TEX15: variants seen among roughly 807,000 people sequenced by gnomAD.
TEX15 encodes testis expressed 15, meiosis and synapsis associated.
TEX15 carries 171 observed loss-of-function variants against 237.3 expected under a neutral mutation model. The observed-to-expected ratio is 0.72, with a 90% CI of 0.64 to 0.82. TEX15 has a LOEUF of 0.82. Among genes scored for constraint, TEX15 ranks in the 40% least tolerant of loss-of-function variants. The probability of loss-of-function intolerance (pLI) is 0.00; values close to 1 mark genes in which losing one functional copy is unlikely to be tolerated. For missense variants in TEX15, 3,750 were observed against 3,646.5 expected (o/e 1.03, Z -0.73); for synonymous variants, 1,338 against 1,269.8 (o/e 1.05, Z -1.14).
rs1807585198 is a variant in TEX15, at chr8:30,845,663, TG to T, written c.4503del (p.Thr1502ProfsTer37). ...CAAAATTCTCCCATGTGACTGGTGG[TG>T]GGGTGACTTTTTGAGACACTGCTAG... Reference protein sequence around the residue: ...SMASSVSKSHPTTSHMGEFCN... With the variant: ...SMASSVSKSHXTTSHMGEFCN... On this transcript the variant is annotated frameshift_variant, in exon 8 of 11. Transcript: ENST00000643185. LOFTEE classifies it high-confidence loss of function. The T allele has an allele frequency of 1.2e-6, 2 of 1,613,594 alleles. No individual in the cohort carries two copies. The highest frequency in any genetic ancestry group is 1.7e-6 in the Non-Finnish European group (2 of 1,179,614).
intron 3 of TEX15, among the ~76,000 whole-genome samples, chr8:30,876,938 C>T (rs547700526): frequency 2.0e-5 from 3 of 152,008 alleles, no homozygotes; most frequent in African/African-American, 7.2e-5. Flanking sequence ...TTATAAGGGG[C>T]CTTTCCCTCC....
Position 30,843,285 on chromosome 8 carries a change from C to T in TEX15, c.6882G>A (p.Lys2294=). Reference sequence around the variant, plus strand: ...CTCTGAGTAGCCTTTCTTCGTCCTTCTTTTGTGAGTATTTTTTGCTGAAGG... The same window carrying T: ...CTCTGAGTAGCCTTTCTTCGTCCTTTTTTTGTGAGTATTTTTTGCTGAAGG... ...TQSFSKKYSQ[K]KDEERLLRVN... The change falls in exon 8 of 11, where the codon AAG becomes AAA. Residue 2294 remains lysine, a synonymous_variant. Transcript: ENST00000643185. 6.2e-7 allele frequency: 1 copy of T among 1,611,502 alleles called. No individual in the cohort carries two copies. The highest frequency in any genetic ancestry group is 8.5e-7 in the Non-Finnish European group (1 of 1,179,192).
At chr8:30,870,416 A>T (rs181604222) in intron 4 of TEX15, among the ~76,000 whole-genome samples, 1 of 152,120 alleles carries the variant, frequency 6.6e-6, no homozygotes, top group African/African-American at 2.4e-5. Context: ...ATAGTAGGTA[A>T]TTTTTTGTGC....
chr8:30,909,280 G>T (rs1187028440), intron 1 of TEX15, among the ~76,000 whole-genome samples: 1 of 152,050 alleles, frequency 6.6e-6, no homozygotes, highest in Admixed American at 6.6e-5. Context: ...CACGAACAGA[G>T]CTATGCAAAA....
chr8:30,844,440 G>C lies in TEX15; in HGVS notation c.5727C>G (p.Val1909=). The change falls in exon 8 of 11, where the codon GTC becomes GTG. Residue 1909 remains valine, a synonymous_variant. Coordinates refer to ENST00000643185, the MANE Select transcript of TEX15 (RefSeq NM_001350162.2). ...GATTAGAAACTGTGTTCTTCAAAGG[G>C]ACTGACTCAGTGGTAGTATTTTTAG... ...LSTKNTTTES[V]PLKNTVSNPL... 6.2e-7 allele frequency: 1 copy of C among 1,612,708 alleles called. No individual in the cohort carries two copies. The highest frequency in any genetic ancestry group is 1.1e-5 in the South Asian group (1 of 90,806).
Position 30,847,365 on chromosome 8 carries a change from T to G in TEX15, c.2802A>C (p.Ala934=), listed in dbSNP as rs1807644278. The G allele has an allele frequency of 6.2e-7, 1 of 1,613,494 alleles. No individual in the cohort carries two copies. Among genetic ancestry groups the G allele is most frequent in the African/African-American group, 1.3e-5 (1 of 74,932 alleles). Reference sequence around the variant, plus strand: ...CTTCACTCTCTAATAATGCAGTTGCTGCTGACACTGCATTATCTTCTCTGC... The same window carrying G: ...CTTCACTCTCTAATAATGCAGTTGCGGCTGACACTGCATTATCTTCTCTGC... ...LICREDNAVS[A]ATALLESEED... is the part of the protein sequence containing the mutation. Residue 934 remains alanine (A), a synonymous_variant, in exon 8 of 11, where the codon GCA becomes GCC. Transcript: ENST00000643185.
At chr8:30,887,540 T>C in intron 2 of TEX15, 1 of 339,508 alleles carries the variant, frequency 2.9e-6, no homozygotes, top group Non-Finnish European at 5.3e-6. Flanking sequence ...GACTCACACC[T>C]GTAATCCCAG....
Position 30,832,959 on chromosome 8 carries a change from C to T in TEX15, c.*327G>A, listed in dbSNP as rs940001017. ...TAATGAAAAAAAATCCTGCTTTCAG[C>T]TCAAATGGCACAATGCCATCAACAA... On this transcript the variant is annotated 3_prime_UTR_variant, in exon 11 of 11. Coordinates refer to ENST00000643185, the MANE Select transcript of TEX15 (RefSeq NM_001350162.2). The T allele has an allele frequency of 5.7e-6, 1 of 174,668 alleles. No individual in the cohort carries two copies. The highest frequency in any genetic ancestry group is 2.4e-5 in the African/African-American group (1 of 42,396). The allele number at this position is 174,668 out of a possible 1,614,324, so 10.8% of individuals were successfully genotyped here.
At position 30,836,975 on chromosome 8, in the gene TEX15, C is replaced by T; in HGVS notation, c.9309G>A (p.Glu3103=). The T allele has an allele frequency of 6.2e-7, 1 of 1,614,066 alleles. No individual in the cohort carries two copies. The highest frequency in any genetic ancestry group is 1.1e-5 in the South Asian group (1 of 91,062). ...YSQYFTYFAG[E]PQANGFVPVN... is the part of the protein sequence containing the mutation. ...CTGGCACAAAGCCATTTGCTTGTGG[C>T]TCCCCCGCAAAATAAGTAAAATATT... Residue 3103 remains glutamate (E), a synonymous_variant, in exon 10 of 11, where the codon GAG becomes GAA. Coordinates refer to ENST00000643185, the MANE Select transcript of TEX15 (RefSeq NM_001350162.2).
intron 3 of TEX15, 144 bp downstream of exon 3, chr8:30,887,023 A>C (rs1808663766): frequency 3.2e-6 from 2 of 631,420 alleles, no homozygotes; most frequent in East Asian, 6.3e-5. Flanking sequence ...TTGAGTGGAA[A>C]CATAAGTACA....
At chr8:30,912,778 G>A (rs1237053744) in intron 1 of TEX15, 101 bp downstream of exon 1, 5 of 152,158 alleles carry the variant, frequency 3.3e-5, no homozygotes, top group African/African-American at 4.8e-5. Context: ...TAGCGTCTGA[G>A]ACTCCCCATA....
Position 30,848,221 on chromosome 8 carries a change from T to C in TEX15, c.1946A>G (p.Asn649Ser), listed in dbSNP as rs1390627820. 2 of 1,612,808 alleles carry C rather than the reference T, an allele frequency of 1.2e-6. No homozygotes were observed. Among genetic ancestry groups the C allele is most frequent in the Non-Finnish European group, 1.7e-6 (2 of 1,179,784 alleles). Residue 649 changes from asparagine (N) to serine (S), a missense_variant, in exon 8 of 11, where the codon AAT (asparagine) becomes AGT (serine). Asn to Ser is a conservative substitution (Grantham distance 46). Transcript: ENST00000643185. ...SWKEIDNDFT[N>S]ETKISPIDNY... Reference sequence around the variant, plus strand: ...ATCTATTGGACTGATTTTTGTTTCATTAGTGAAATCATTATCAATTTCTTT... The same window carrying C: ...ATCTATTGGACTGATTTTTGTTTCACTAGTGAAATCATTATCAATTTCTTT...
Position 30,842,164 on chromosome 8 carries a change from T to C in TEX15, c.8003A>G (p.Asn2668Ser). 6.2e-7 allele frequency: 1 copy of C among 1,612,724 alleles called. No homozygotes were observed. Among genetic ancestry groups the C allele is most frequent in the Non-Finnish European group, 8.5e-7 (1 of 1,179,506 alleles). Residue 2668 changes from asparagine to serine, a missense_variant, in exon 8 of 11, where the codon AAC becomes AGC. By Grantham distance (46) the Asn-to-Ser change is conservative. Coordinates refer to ENST00000643185, the MANE Select transcript of TEX15 (RefSeq NM_001350162.2). ...CATCGTAGAAATACTAAATTTATTG[T>C]TATTTTCCCCAGGTTTTACAATATG... ...NIHIVKPGEN[N>S]NKFSISTMLP...
At position 30,837,434 on chromosome 8, in the gene TEX15, C is replaced by G. The variant is rs1490108283; in HGVS notation, c.8850G>C (p.Gln2950His). ...TTTCTGTAGGCTGTAGTTTGTTTAT[C>G]TGCAGAGTAGGAATTTTGTTCTGGA... ...ICIQNKIPTL[Q>H]INKLQPTETE... Residue 2950 changes from glutamine (Q) to histidine (H), a missense_variant, in exon 10 of 11, where the codon CAG becomes CAC. Transcript: ENST00000643185. 1 of 1,614,026 alleles carries G rather than the reference C, an allele frequency of 6.2e-7. No homozygotes were observed. Among genetic ancestry groups the G allele is most frequent in the African/African-American group, 1.3e-5 (1 of 74,924 alleles).
chr8:30,909,163 T>C (rs1163025466), intron 1 of TEX15, among the ~76,000 whole-genome samples: 4 of 152,024 alleles, frequency 2.6e-5, no homozygotes, highest in African/African-American at 9.7e-5. Context: ...AGTTATTTTA[T>C]TAATCATTAT....
chr8:30,904,444 C>T (rs1809059356), intron 1 of TEX15, among the ~76,000 whole-genome samples: 1 of 92,388 alleles, frequency 1.1e-5, no homozygotes, highest in Admixed American at 1.3e-4. Context: ...GAGACTCCGT[C>T]TCAAAAAAAA....
rs774728271 is a variant in TEX15 at position 30,847,361 on chromosome 8, T to C, written c.2806A>G (p.Thr936Ala). 2 of 1,613,790 alleles carry C rather than the reference T, an allele frequency of 1.2e-6. No homozygotes were observed. The highest frequency in any genetic ancestry group is 2.2e-5 in the East Asian group (1 of 44,868). ...TCTTCTTCACTCTCTAATAATGCAGTTGCTGCTGACACTGCATTATCTTCT... is the reference window on the plus strand; with the variant it reads ...TCTTCTTCACTCTCTAATAATGCAGCTGCTGCTGACACTGCATTATCTTCT... ...CREDNAVSAATALLESEEDTI... is the reference protein window; with the variant it reads ...CREDNAVSAAAALLESEEDTI... The change falls in exon 8 of 11, where the codon ACT becomes GCT. Residue 936 changes from threonine to alanine, a missense_variant. Physicochemically the swap from Thr to Ala is moderately conservative, Grantham distance 58. Coordinates refer to ENST00000643185, the MANE Select transcript of TEX15 (RefSeq NM_001350162.2).
chr8:30,889,935 A>ATATATATATACG (rs1808751135), intron 2 of TEX15, among the ~76,000 whole-genome samples: 1 of 82,806 alleles, frequency 1.2e-5, no homozygotes, highest in African/African-American at 7.4e-5. Flanking sequence ...AGTTATATAC[A>ATATATATATACG]TATATATATA....
In TEX15 at chr8:30,833,249, C is replaced by A. The variant is rs1807219798; in HGVS notation, c.*37G>T. 2 of 1,460,730 alleles carry A rather than the reference C, an allele frequency of 1.4e-6. No homozygotes were observed. Among genetic ancestry groups the A allele is most frequent in the African/African-American group, 1.4e-5 (1 of 69,694 alleles). The allele number at this position is 1,460,730 out of a possible 1,614,324, so 90.5% of individuals were successfully genotyped here. A position where few individuals can be genotyped will look rare whatever the true frequency, so the allele number is the denominator to read the frequency against. On this transcript the variant is annotated 3_prime_UTR_variant, in exon 11 of 11. Coordinates refer to ENST00000643185, the MANE Select transcript of TEX15 (RefSeq NM_001350162.2). ...TATAAGTAAAAAATATTTGGAAAAACTTGTTATGTCTTATTTCAATAGACA... is the reference window on the plus strand; with the variant it reads ...TATAAGTAAAAAATATTTGGAAAAAATTGTTATGTCTTATTTCAATAGACA...
Sources: allele counts gnomAD v4.1 joint callset (sites outside exome capture counted in the v4.1 genomes callset), GRCh38; gene constraint gnomAD v4.1.1; transcripts MANE v1.5; gene names NCBI Gene and HGNC (gene_info 2026-07-23, HGNC 2026-07-21).